The following SHROOM3 variants were observed in gnomAD, a reference collection of about 807,000 sequenced individuals.
The protein encoded by SHROOM3 is shroom family member 3, also known as protein Shroom3.
SHROOM3 carries 47 observed loss-of-function variants against 138.6 expected under a neutral mutation model. That is an observed-to-expected ratio of 0.34 (90% confidence interval 0.27 to 0.43). SHROOM3 has a LOEUF of 0.43. Ranked by LOEUF, SHROOM3 falls within the 20% of genes least tolerant of loss-of-function variation. SHROOM3 has a pLI of 1.00. For missense variants in SHROOM3, 2,491 were observed against 2,596.5 expected, an observed-to-expected ratio of 0.96 and a Z score of 0.88; for synonymous variants, 1,062 against 1,063.3, an observed-to-expected ratio of 1.00 and a Z score of 0.02.
chr4:76,569,854 T>C (rs1733800747), intron 2 of SHROOM3, among the ~76,000 whole-genome samples: 1 of 152,118 alleles, frequency 6.6e-6, no homozygotes, highest in African/African-American at 2.4e-5. Context: ...CCACTGAAAC[T>C]TGCAGCCTCT....
chr4:76,647,333 G>A (rs182041076), intron 2 of SHROOM3, among the ~76,000 whole-genome samples: 76 of 152,194 alleles, frequency 5.0e-4, no homozygotes, highest in East Asian at 2.1e-3. Flanking sequence ...AAAGGAATAC[G>A]CTCTAATGTT....
At chr4:76,692,797 C>T (rs1719595707) in intron 2 of SHROOM3, among the ~76,000 whole-genome samples, 1 of 152,142 alleles carries the variant, frequency 6.6e-6, no homozygotes, top group Non-Finnish European at 1.5e-5. Flanking sequence ...CTAGAATAGG[C>T]AAAACTAATC....
chr4:76,444,471 T>C (rs1474406425), intron 1 of SHROOM3, among the ~76,000 whole-genome samples: 1 of 139,384 alleles, frequency 7.2e-6, no homozygotes, highest in Non-Finnish European at 1.5e-5. Flanking sequence ...AGTTTCCTCA[T>C]CTCTCTTTCT....
At position 76,565,255 on chromosome 4, in the gene SHROOM3, G is replaced by A. The variant is rs116541383; in HGVS notation, c.323+9492G>A. On this transcript the variant is annotated intron_variant, in intron 2 of 10. Transcript: ENST00000296043. ...GTTCTGAGATCAAATAAAAGTTATG[G>A]TGGAATCTTTCCCCCCAGTTTTAAA... Among the ~76,000 whole-genome samples, 669 of 151,934 alleles carry A rather than the reference G, an allele frequency of 4.4e-3. 10 individuals are homozygous for A. Among genetic ancestry groups the A allele is most frequent in the African/African-American group, 0.015 (631 of 41,410 alleles).
At chr4:76,588,484 C>T (rs928061873) in intron 2 of SHROOM3, among the ~76,000 whole-genome samples, 1 of 152,140 alleles carries the variant, frequency 6.6e-6, no homozygotes, top group Non-Finnish European at 1.5e-5. Flanking sequence ...GCCACGCAGC[C>T]TCCCCCTCCT....
chr4:76,595,347 G>A lies in SHROOM3; in HGVS notation c.323+39584G>A, dbSNP rs574383617. Among the ~76,000 whole-genome samples the A allele has an allele frequency of 2.0e-5, 3 of 152,304 alleles. No homozygotes were observed. The East Asian group carries it at 5.8e-4, about 29-fold the overall frequency. On this transcript the variant is annotated intron_variant, in intron 2 of 10. Transcript: ENST00000296043. Reference sequence around the variant, plus strand: ...TGCAGACTGGCTTTCTGACAGACATGGTGCCAGGGTTAATTTAATGGCATG... The same window carrying A: ...TGCAGACTGGCTTTCTGACAGACATAGTGCCAGGGTTAATTTAATGGCATG...
At chr4:76,652,031 T>A (rs1253562202) in intron 2 of SHROOM3, among the ~76,000 whole-genome samples, 3 of 152,192 alleles carry the variant, frequency 2.0e-5, no homozygotes, top group Admixed American at 6.5e-5. Flanking sequence ...GGGCCCAGGA[T>A]GCCTCATCTC....
At chr4:76,649,105 G>A (rs954152856) in intron 2 of SHROOM3, among the ~76,000 whole-genome samples, 3 of 152,062 alleles carry the variant, frequency 2.0e-5, no homozygotes, top group African/African-American at 4.8e-5. Context: ...ACATGCCACC[G>A]GCTAGCTAGT....
intron 2 of SHROOM3, among the ~76,000 whole-genome samples, chr4:76,600,346 T>G (rs1734481738): frequency 6.6e-6 from 1 of 152,144 alleles, no homozygotes; most frequent in African/African-American, 2.4e-5. Flanking sequence ...TGCTCCTTCC[T>G]GATGTGTCTT....
chr4:76,735,942 G>A (rs567144594), intron 4 of SHROOM3, among the ~76,000 whole-genome samples: 4 of 134,810 alleles, frequency 3.0e-5, no homozygotes, highest in Non-Finnish European at 6.1e-5. Flanking sequence ...TAGTGTTTCA[G>A]TTAACCATCA....
intron 1 of SHROOM3, among the ~76,000 whole-genome samples, chr4:76,473,863 G>T (rs1042240913): frequency 1.3e-5 from 2 of 152,166 alleles, no homozygotes; most frequent in African/African-American, 4.8e-5. Context: ...ACACATTGCT[G>T]GTGTGAATGT....
intron 1 of SHROOM3, among the ~76,000 whole-genome samples, chr4:76,470,132 A>G (rs563943598): frequency 6.6e-6 from 1 of 152,150 alleles, no homozygotes; most frequent in Non-Finnish European, 1.5e-5. Context: ...TCCTATTATA[A>G]TCCCCATTTA....
At chr4:76,656,589 A>G (rs1306213028) in intron 2 of SHROOM3, among the ~76,000 whole-genome samples, 2 of 152,220 alleles carry the variant, frequency 1.3e-5, no homozygotes, top group Non-Finnish European at 2.9e-5. Context: ...ATAATTGTCC[A>G]TGAAAGACCT....
chr4:76,497,920 C>T (rs4859683), intron 1 of SHROOM3, among the ~76,000 whole-genome samples: 86,968 of 152,078 alleles, frequency 0.57, 25,712 homozygotes, highest in Non-Finnish European at 0.64. Context: ...GGAAAGAGGT[C>T]GTGCATGGCT....
chr4:76,456,614 T>C (rs1397972786), intron 1 of SHROOM3, among the ~76,000 whole-genome samples: 1 of 152,172 alleles, frequency 6.6e-6, no homozygotes, highest in East Asian at 1.9e-4. Flanking sequence ...GAGCAAAAAC[T>C]TCGAAAAATC....
At chr4:76,559,807 G>C (rs1238395410) in intron 2 of SHROOM3, among the ~76,000 whole-genome samples, 2 of 152,198 alleles carry the variant, frequency 1.3e-5, no homozygotes, top group Non-Finnish European at 2.9e-5. Flanking sequence ...AAAGCCTCAA[G>C]TAAGTTGTGG....
At chr4:76,444,710 G>A (rs1319097073) in intron 1 of SHROOM3, among the ~76,000 whole-genome samples, 1 of 151,258 alleles carries the variant, frequency 6.6e-6, no homozygotes, top group African/African-American at 2.4e-5. Flanking sequence ...TGGTCAGGCT[G>A]GTCTTGAACT....
chr4:76,493,088 G>A (rs1731889338), intron 1 of SHROOM3, among the ~76,000 whole-genome samples: 1 of 152,046 alleles, frequency 6.6e-6, no homozygotes, highest in Non-Finnish European at 1.5e-5. Flanking sequence ...GGCCATGGTG[G>A]TGGGTGTCTG....
chr4:76,438,384 A>G (rs1027253983), intron 1 of SHROOM3, among the ~76,000 whole-genome samples: 5 of 152,238 alleles, frequency 3.3e-5, no homozygotes, highest in Non-Finnish European at 5.9e-5. Flanking sequence ...AATCTGGTCC[A>G]ATGTGCTCTG....
Sources: allele counts gnomAD v4.1 joint callset (sites outside exome capture counted in the v4.1 genomes callset), GRCh38; gene constraint gnomAD v4.1.1; transcripts MANE v1.5; gene names NCBI Gene and HGNC (gene_info 2026-07-23, HGNC 2026-07-21).